The following RAD52 variants were observed in gnomAD, a reference collection of about 807,000 sequenced individuals.
The protein encoded by RAD52 is DNA repair protein RAD52 homolog.
In RAD52, 47 loss-of-function variants were observed where a neutral mutation model predicts 55.5. The ratio of observed to expected loss-of-function variants is 0.85; its 90% CI spans 0.67 to 1.08. The LOEUF (loss-of-function observed/expected upper bound fraction) is 1.08, where lower values mean the gene tolerates loss of function less well. RAD52 is among the 50% of genes least tolerant of loss of function. RAD52 has a pLI of 0.00. For synonymous variants in RAD52, 184 were observed against 198.9 expected (o/e 0.92, Z 0.63); for missense variants, 468 against 522.8 (o/e 0.90, Z 1.02).
At chr12:917,221 G>A (rs927229671) in intron 7 of RAD52, among the ~76,000 whole-genome samples, 6 of 152,134 alleles carry the variant, frequency 3.9e-5, no homozygotes, top group African/African-American at 1.2e-4. Flanking sequence ...AGGGAGCCTC[G>A]GGCACGCTGT....
At chr12:931,180 G>A (rs1300740002) in intron 3 of RAD52, 40 bp downstream of exon 3, 16 of 1,520,400 alleles carry the variant, frequency 1.1e-5, no homozygotes, top group South Asian at 1.1e-5. Context: ...CGGAGTCTGC[G>A]GTATGGATGC....
At chr12:973,652 AT>A (rs752030797) in intron 1 of RAD52, among the ~76,000 whole-genome samples, 1 of 150,612 alleles carries the variant, frequency 6.6e-6, no homozygotes, top group South Asian at 2.1e-4. Context: ...TAAATTTTGT[AT>A]TTTTTGTAGA....
chr12:940,074 CA>C (rs1245222246), intron 1 of RAD52, among the ~76,000 whole-genome samples: 65 of 128,452 alleles, frequency 5.1e-4, no homozygotes, highest in East Asian at 8.9e-4. Context: ...GACTCTGTCT[CA>C]AAAAAAAAAA....
intron 1 of RAD52, among the ~76,000 whole-genome samples, chr12:971,576 A>G: frequency 6.6e-6 from 1 of 152,222 alleles, no homozygotes; most frequent in East Asian, 1.9e-4. Flanking sequence ...TACTTTAAAA[A>G]ATTAATTATT....
intron 1 of RAD52, chr12:974,583 G>A (rs1958912064): frequency 6.6e-6 from 1 of 152,160 alleles, no homozygotes; most frequent in East Asian, 1.9e-4. Flanking sequence ...CCTGCTCTGT[G>A]AGAGAAATGC....
At chr12:933,107 A>G (rs767033101) in intron 1 of RAD52, 31 bp from the exon 2 acceptor site, 1 of 1,403,504 alleles carries the variant, frequency 7.1e-7, no homozygotes, top group East Asian at 2.3e-5. Context: ...AAAAAAAAAC[A>G]ACCCTCAAAG....
rs1956099097 is a variant in RAD52, at chr12:911,769, ACT to A, written c.*1620_*1621del. 6.6e-6 allele frequency among the ~76,000 whole-genome samples: 1 copy of A among 152,164 alleles called. No homozygotes were observed. The highest frequency in any genetic ancestry group is 2.1e-4 in the South Asian group (1 of 4,832). ...AATGGCTCATGCCTATAATTCTAGT[ACT>A]TTTTACTTTGGGAGGCCGAGGTGGG... On this transcript the variant is annotated 3_prime_UTR_variant, in exon 12 of 12. Transcript: ENST00000358495.
At chr12:956,212 A>G (rs1958603837) in intron 1 of RAD52, among the ~76,000 whole-genome samples, 1 of 152,158 alleles carries the variant, frequency 6.6e-6, no homozygotes, top group Admixed American at 6.5e-5. Context: ...TTCCAACGCA[A>G]TAAGCAGGGA....
At chr12:962,706 T>C (rs1473901288) in intron 1 of RAD52, among the ~76,000 whole-genome samples, 6 of 151,412 alleles carry the variant, frequency 4.0e-5, no homozygotes. Context: ...ATTTATTTAT[T>C]TATCTATCTA....
intron 1 of RAD52, among the ~76,000 whole-genome samples, chr12:988,345 A>G (rs1959114592): frequency 6.6e-6 from 1 of 152,102 alleles, no homozygotes; most frequent in African/African-American, 2.4e-5. Flanking sequence ...TTTCCTTTCT[A>G]AATTCTCTGA....
At chr12:957,466 CAAAAAAAAAAAA>C (rs71055109) in intron 1 of RAD52, among the ~76,000 whole-genome samples, 4 of 44,058 alleles carry the variant, frequency 9.1e-5, no homozygotes, top group African/African-American at 1.9e-4. Context: ...AACTTCGTCT[CAAAAAAAAAAAA>C]AAAAAAAAAA....
intron 9 of RAD52, among the ~76,000 whole-genome samples, chr12:915,320 T>A (rs755285427): frequency 6.6e-6 from 1 of 152,188 alleles, no homozygotes; most frequent in Non-Finnish European, 1.5e-5. Flanking sequence ...AGTAAGGATA[T>A]CCACAGGACA....
upstream of RAD52, chr12:990,119 G>T (rs1959167396): frequency 6.6e-6 from 1 of 152,230 alleles, no homozygotes; most frequent in Non-Finnish European, 1.5e-5. Flanking sequence ...AGGCTGAGGA[G>T]CGACTGCAAT....
At chr12:923,475 C>T (rs995222468) in intron 7 of RAD52, among the ~76,000 whole-genome samples, 1 of 151,402 alleles carries the variant, frequency 6.6e-6, no homozygotes, top group African/African-American at 2.4e-5. Context: ...CAGGAGGATC[C>T]CTTGGGCCCA....
intron 7 of RAD52, among the ~76,000 whole-genome samples, chr12:922,211 A>AAC (rs1378005211): frequency 6.6e-6 from 1 of 151,438 alleles, no homozygotes; most frequent in African/African-American, 2.4e-5. Flanking sequence ...AAAAAAAAAA[A>AAC]AACCAAAAAC....
intron 1 of RAD52, among the ~76,000 whole-genome samples, chr12:939,200 C>G (rs913128136): frequency 1.3e-5 from 2 of 151,868 alleles, no homozygotes; most frequent in East Asian, 3.8e-4. Flanking sequence ...CGCTGTGCCA[C>G]CCAGTGCAGT....
intron 1 of RAD52, among the ~76,000 whole-genome samples, chr12:984,564 T>G (rs1421755326): frequency 6.6e-6 from 1 of 152,106 alleles, no homozygotes. Flanking sequence ...GATCTATACT[T>G]TTATGATTGG....
rs755729351 is a variant in RAD52 at position 919,749 on chromosome 12, TA to T, written c.544-2930del. Among the ~76,000 whole-genome samples, 291 of 82,118 alleles carry T rather than the reference TA, an allele frequency of 3.5e-3. 3 individuals carry two copies. The highest frequency in any genetic ancestry group is 3.9e-3 in the Admixed American group (33 of 8,532). 53.9% of individuals were successfully genotyped at this position (82,118 alleles called of 152,430 possible). On this transcript the variant is annotated intron_variant, in intron 7 of 11. Coordinates refer to ENST00000358495, the MANE Select transcript of RAD52 (RefSeq NM_134424.4). ...CTGGGCGACAGAGCAAGACTCTGTCTAAAAAAAAAAAAAAAAATCTGGGCTC... is the reference window on the plus strand; with the variant it reads ...CTGGGCGACAGAGCAAGACTCTGTCTAAAAAAAAAAAAAAAATCTGGGCTC...
At chr12:942,688 A>G (rs1312620237) in intron 1 of RAD52, among the ~76,000 whole-genome samples, 3 of 151,886 alleles carry the variant, frequency 2.0e-5, no homozygotes, top group Non-Finnish European at 2.9e-5. Flanking sequence ...CAGAGGTTGC[A>G]GTGAGCGGAG....
Sources: allele counts gnomAD v4.1 joint callset (sites outside exome capture counted in the v4.1 genomes callset), GRCh38; gene constraint gnomAD v4.1.1; transcripts MANE v1.5; gene names NCBI Gene and HGNC (gene_info 2026-07-23, HGNC 2026-07-21).